PLS3: variants seen among roughly 807,000 people sequenced by gnomAD.
The protein encoded by PLS3 is plastin-3.
A neutral mutation model predicts 46.5 loss-of-function variants in PLS3; 11 were observed. The observed-to-expected ratio is 0.24, with a 90% confidence interval of 0.15 to 0.39. The LOEUF is 0.39. Ranked by LOEUF, PLS3 falls within the 10% of genes least tolerant of loss-of-function variation. PLS3 has a pLI of 1.00. For synonymous variants in PLS3, 167 were observed against 162.2 expected, an observed-to-expected ratio of 1.03 and a Z score of -0.22; for missense variants, 308 against 461.8, an observed-to-expected ratio of 0.67 and a Z score of 3.05.
chrX:115,629,733 C>T, intron 4 of PLS3, 102 bp from the exon 5 acceptor site: 1 of 505,973 alleles, frequency 2.0e-6, no homozygotes, highest in South Asian at 4.2e-5. Flanking sequence ...GTTTCTGACA[C>T]ATTAACTTTC....
intron 2 of PLS3, chrX:115,614,185 G>T (rs910943365): frequency 1.2e-5 from 2 of 161,195 alleles, no homozygotes; most frequent in East Asian, 2.7e-4. Flanking sequence ...TAGCCAGGAT[G>T]GTCTCGATCT....
intron 1 of PLS3, among the ~76,000 whole-genome samples, chrX:115,575,578 G>T (rs1283839804): frequency 9.0e-6 from 1 of 111,339 alleles, no homozygotes; most frequent in African/African-American, 3.3e-5. Flanking sequence ...CAAGTAGCTG[G>T]GACTACAGGC....
At position 115,587,462 on chromosome X, in the gene PLS3, G is replaced by A. The variant is rs781822949; in HGVS notation, c.-8-22781G>A. Among the ~76,000 whole-genome samples, 8 of 112,181 alleles carry A rather than the reference G, an allele frequency of 7.1e-5. No homozygotes were observed. In the South Asian group the frequency reaches 1.8e-3, roughly 26 times the overall value. ...TTAAAAATAGAAAACCAGGCCGGGC[G>A]CGGTGGCTCACGCCTGTAATCCCAG... On this transcript the variant is annotated intron_variant, in intron 1 of 15. Coordinates refer to ENST00000355899, the MANE Select transcript of PLS3 (RefSeq NM_005032.7).
chrX:115,620,184 A>G (rs782803842), intron 2 of PLS3, among the ~76,000 whole-genome samples: 103 of 111,036 alleles, frequency 9.3e-4, no homozygotes, highest in Non-Finnish European at 1.9e-3. Context: ...TTGGCCTAGC[A>G]GAGCTTATAA....
intron 1 of PLS3, among the ~76,000 whole-genome samples, chrX:115,574,107 A>T (rs1211037720): frequency 8.9e-6 from 1 of 111,864 alleles, no homozygotes; most frequent in African/African-American, 3.2e-5. Context: ...TGACCACTGT[A>T]TATGGTTTTC....
chrX:115,561,376 G>C (rs1169470655), intron 1 of PLS3, 116 bp downstream of exon 1: 2 of 111,001 alleles, frequency 1.8e-5, no homozygotes, highest in Non-Finnish European at 3.8e-5. Flanking sequence ...GCGGCGCACC[G>C]TGGGGCGGGG....
chrX:115,626,724 A>G (rs782412844), intron 3 of PLS3, among the ~76,000 whole-genome samples: 9 of 111,634 alleles, frequency 8.1e-5, no homozygotes, highest in African/African-American at 2.6e-4. Flanking sequence ...AAATTAACAA[A>G]CTTAATTACA....
chrX:115,615,821 G>A (rs139305265), intron 2 of PLS3, among the ~76,000 whole-genome samples: 2 of 111,731 alleles, frequency 1.8e-5, no homozygotes, highest in Non-Finnish European at 3.8e-5. Flanking sequence ...AGAAGTGCTG[G>A]CATTGAAACT....
intron 1 of PLS3, among the ~76,000 whole-genome samples, chrX:115,582,965 G>A (rs1269563047): frequency 8.9e-6 from 1 of 111,787 alleles, no homozygotes; most frequent in Non-Finnish European, 1.9e-5. Context: ...CCTGAGCCTG[G>A]GGGAGGTTCA....
chrX:115,567,985 G>A (rs1556630322), intron 1 of PLS3, among the ~76,000 whole-genome samples: 1 of 111,209 alleles, frequency 9.0e-6, no homozygotes, highest in African/African-American at 3.3e-5. Flanking sequence ...TAATTACATC[G>A]TGTTGCACTC....
intron 8 of PLS3, chrX:115,640,111 T>C (rs1443398885): frequency 4.4e-6 from 5 of 1,125,590 alleles, no homozygotes; most frequent in Non-Finnish European, 5.9e-6. Flanking sequence ...TCTGTCAAGC[T>C]TATTGACTTC....
At chrX:115,638,861 C>T (rs940999313) in intron 8 of PLS3, among the ~76,000 whole-genome samples, 23 of 109,119 alleles carry the variant, frequency 2.1e-4, no homozygotes, top group African/African-American at 7.7e-4. Flanking sequence ...TACAGGCACC[C>T]GCCACCATGC....
chrX:115,590,636 A>G (rs979037431), intron 1 of PLS3, among the ~76,000 whole-genome samples: 1 of 111,076 alleles, frequency 9.0e-6, no homozygotes, highest in Non-Finnish European at 1.9e-5. Context: ...CCTGGCCAAC[A>G]TGGTGAAAAC....
intron 1 of PLS3, among the ~76,000 whole-genome samples, chrX:115,591,775 A>G (rs2074347088): frequency 8.9e-6 from 1 of 112,515 alleles, no homozygotes; most frequent in South Asian, 3.7e-4. Flanking sequence ...CCACAGGCAG[A>G]TAGTTCTATG....
intron 2 of PLS3, 141 bp downstream of exon 2, chrX:115,610,464 C>T: frequency 3.1e-6 from 1 of 325,164 alleles, no homozygotes; most frequent in Non-Finnish European, 5.3e-6. Flanking sequence ...GTTTTGGAAG[C>T]TATACTTAAA....
At position 115,649,724 on chromosome X, in the gene PLS3, G is replaced by T; in HGVS notation, c.*163G>T. The stretch of plus-strand genomic sequence containing the variant: ...ATCATGAGAGCCCTCAGGGGAAAGG[G>T]TTTAAGAAAAACAACTCCTCTTTCC... On this transcript the variant is annotated 3_prime_UTR_variant, in exon 16 of 16. Coordinates refer to ENST00000355899, the MANE Select transcript of PLS3 (RefSeq NM_005032.7). 10 of 390,568 alleles carry T rather than the reference G, an allele frequency of 2.6e-5. No individual in the cohort carries two copies. The highest frequency in any genetic ancestry group is 4.9e-5 in the African/African-American group (2 of 40,671). 32.2% of individuals were successfully genotyped at this position (390,568 alleles called of 1,213,427 possible).
chrX:115,646,259 C>T, intron 12 of PLS3, 73 bp downstream of exon 12: 1 of 872,210 alleles, frequency 1.1e-6, no homozygotes, highest in Admixed American at 2.7e-5. Flanking sequence ...GTTTCTAAAA[C>T]TCTTGACGCT....
At position 115,629,927 on chromosome X, in the gene PLS3, G is replaced by A. The variant is rs1556639017; in HGVS notation, c.460G>A (p.Asp154Asn). Residue 154 changes from aspartate (D) to asparagine (N), a missense_variant, in exon 5 of 16, where the codon GAT becomes AAT. Coordinates refer to ENST00000355899, the MANE Select transcript of PLS3 (RefSeq NM_005032.7). ...TGTTATACCAATGAACCCTAACACC[G>A]ATGACCTGTTCAAAGCTGTTGGTGA... Reference protein sequence around the residue: ...RHVIPMNPNTDDLFKAVGDGI... With the variant: ...RHVIPMNPNTNDLFKAVGDGI... The A allele has an allele frequency of 8.4e-7, 1 of 1,185,581 alleles. No homozygotes were observed. Among genetic ancestry groups the A allele is most frequent in the Non-Finnish European group, 1.1e-6 (1 of 876,115 alleles).
intron 1 of PLS3, among the ~76,000 whole-genome samples, chrX:115,606,830 AT>A (rs1369185589): frequency 9.8e-5 from 11 of 111,689 alleles, no homozygotes; most frequent in African/African-American, 3.6e-4. Flanking sequence ...TAACTTACGA[AT>A]TTTAAAAAAA....
Sources: allele counts gnomAD v4.1 joint callset (sites outside exome capture counted in the v4.1 genomes callset), GRCh38; gene constraint gnomAD v4.1.1; transcripts MANE v1.5; gene names NCBI Gene and HGNC (gene_info 2026-07-23, HGNC 2026-07-21).